RMDN2: variants seen among roughly 807,000 people sequenced by gnomAD.
RMDN2 encodes the protein regulator of microtubule dynamics protein 2.
Under a neutral mutation model 52.8 loss-of-function variants are expected in RMDN2, and 61 were observed. The observed-to-expected ratio is 1.16, with a 90% CI of 0.94 to 1.43. The LOEUF (loss-of-function observed/expected upper bound fraction) is 1.43. Ranked by LOEUF, RMDN2 falls within the 40% of genes most tolerant of loss-of-function variation. RMDN2 has a pLI of 0.00. For synonymous variants in RMDN2, 180 were observed against 153.1 expected, an observed-to-expected ratio of 1.18 and a Z score of -1.30; for missense variants, 592 against 475.3, an observed-to-expected ratio of 1.25 and a Z score of -2.28.
At chr2:37,984,705 A>G (rs1234503305) in intron 5 of RMDN2, among the ~76,000 whole-genome samples, 1 of 152,220 alleles carries the variant, frequency 6.6e-6, no homozygotes, top group Admixed American at 6.5e-5. Context: ...GTCAATGATT[A>G]AGGATATATT....
At chr2:37,977,492 G>C (rs2125083574) in intron 4 of RMDN2, among the ~76,000 whole-genome samples, 1 of 151,584 alleles carries the variant, frequency 6.6e-6, no homozygotes, top group South Asian at 2.1e-4. Context: ...GGACGGGGCG[G>C]CTGCCGGGCG....
chr2:37,978,636 G>A (rs1672884297), intron 4 of RMDN2, among the ~76,000 whole-genome samples: 1 of 152,160 alleles, frequency 6.6e-6, no homozygotes, highest in Non-Finnish European at 1.5e-5. Flanking sequence ...GACCAGCCTG[G>A]GCAACATAGG....
chr2:37,948,496 A>C (rs1201477097), intron 2 of RMDN2, among the ~76,000 whole-genome samples: 1 of 152,070 alleles, frequency 6.6e-6, no homozygotes, highest in Non-Finnish European at 1.5e-5. Context: ...GGGGTCATGG[A>C]ATTGATAATA....
At chr2:37,981,212 G>A (rs1310903615) in intron 4 of RMDN2, 71 bp from the exon 5 acceptor site, 1 of 929,000 alleles carries the variant, frequency 1.1e-6, no homozygotes, top group Non-Finnish European at 1.8e-6. Context: ...TGTGAACCAT[G>A]AGTTAATTCA....
At chr2:38,032,893 T>G (rs1338652333) in intron 10 of RMDN2, 1 of 152,088 alleles carries the variant, frequency 6.6e-6, no homozygotes, top group Non-Finnish European at 1.5e-5. Context: ...ATGTTTTTAT[T>G]TTGGGTTGGG....
downstream of RMDN2, among the ~76,000 whole-genome samples, chr2:38,020,858 C>T (rs925664526): frequency 3.3e-5 from 5 of 152,144 alleles, no homozygotes; most frequent in Non-Finnish European, 7.4e-5. Context: ...CTCCACGGTG[C>T]GCAATTCCAT....
chr2:37,953,137 T>A (rs1669049088), intron 2 of RMDN2: 1 of 152,044 alleles, frequency 6.6e-6, no homozygotes, highest in Non-Finnish European at 1.5e-5. Context: ...TTTTTCTTGT[T>A]CTTAGCATGT....
chr2:37,955,335 A>T (rs528837016), intron 2 of RMDN2, among the ~76,000 whole-genome samples: 4 of 152,262 alleles, frequency 2.6e-5, no homozygotes, highest in African/African-American at 9.6e-5. Context: ...GACTTTTCAT[A>T]TATGGCCTTT....
At chr2:37,928,003 G>A (rs1206421893) in intron 1 of RMDN2, among the ~76,000 whole-genome samples, 2 of 152,162 alleles carry the variant, frequency 1.3e-5, no homozygotes, top group African/African-American at 2.4e-5. Flanking sequence ...TTTCTGTGAG[G>A]TAAAGCAGGC....
intron 5 of RMDN2, among the ~76,000 whole-genome samples, chr2:37,982,291 A>C (rs561740377): frequency 7.0e-4 from 106 of 152,190 alleles, no homozygotes; most frequent in African/African-American, 2.5e-3. Flanking sequence ...CAGCAGGGGG[A>C]GCTCCACTCA....
At chr2:37,971,459 C>T (rs1056316508) in intron 2 of RMDN2, among the ~76,000 whole-genome samples, 1 of 152,026 alleles carries the variant, frequency 6.6e-6, no homozygotes, top group Non-Finnish European at 1.5e-5. Context: ...ATGTCTTACC[C>T]CAAGGACTAA....
intron 2 of RMDN2, chr2:37,952,049 C>T (rs1668890169): frequency 1.9e-6 from 3 of 1,613,434 alleles, no homozygotes; most frequent in South Asian, 1.1e-5. Flanking sequence ...TCCCATTCCT[C>T]CATAAAGCTG....
At chr2:38,000,668 G>A (rs1252580518) in intron 8 of RMDN2, among the ~76,000 whole-genome samples, 1 of 152,160 alleles carries the variant, frequency 6.6e-6, no homozygotes, top group Non-Finnish European at 1.5e-5. Context: ...TTTATTGAGT[G>A]TATCAGCAGC....
intron 2 of RMDN2, among the ~76,000 whole-genome samples, chr2:37,973,210 G>A (rs1239415920): frequency 3.3e-5 from 5 of 152,180 alleles, no homozygotes; most frequent in Non-Finnish European, 5.9e-5. Context: ...TTTAGAACAG[G>A]CAGAGTCTGA....
chr2:38,027,029 A>C (rs1679831024), intron 10 of RMDN2: 2 of 152,126 alleles, frequency 1.3e-5, no homozygotes, highest in African/African-American at 4.8e-5. Flanking sequence ...AAACTTGTTG[A>C]GACTTGTTCT....
intron 2 of RMDN2, among the ~76,000 whole-genome samples, chr2:37,944,786 T>C (rs1668086155): frequency 6.6e-6 from 1 of 152,150 alleles, no homozygotes; most frequent in South Asian, 2.1e-4. Context: ...TAAGAAGGGG[T>C]ATCAGGTCCA....
At chr2:38,002,709 G>T (rs184881908) in intron 8 of RMDN2, among the ~76,000 whole-genome samples, 1 of 152,354 alleles carries the variant, frequency 6.6e-6, no homozygotes, top group African/African-American at 2.4e-5. Flanking sequence ...ACGGCTGATA[G>T]TGGTTACCTC....
At chr2:38,004,373 A>G (rs1340788281) in intron 10 of RMDN2, among the ~76,000 whole-genome samples, 157 bp downstream of exon 10, 5 of 152,258 alleles carry the variant, frequency 3.3e-5, no homozygotes, top group African/African-American at 4.8e-5. Flanking sequence ...GACAAAAACT[A>G]TATGTATACA....
intron 8 of RMDN2, among the ~76,000 whole-genome samples, chr2:37,998,546 T>C (rs1675884538): frequency 6.6e-6 from 1 of 151,962 alleles, no homozygotes; most frequent in South Asian, 2.1e-4. Context: ...ATAATAAACG[T>C]CTTGTACATG....
Sources: allele counts gnomAD v4.1 joint callset (sites outside exome capture counted in the v4.1 genomes callset), GRCh38; gene constraint gnomAD v4.1.1; transcripts MANE v1.5; gene names NCBI Gene and HGNC (gene_info 2026-07-23, HGNC 2026-07-21).